TAF1D: variants seen among roughly 807,000 people sequenced by gnomAD.
TAF1D encodes TATA-box binding protein associated factor, RNA polymerase I subunit D, also known as TATA box-binding protein-associated factor RNA polymerase I subunit D.
TAF1D carries 23 observed loss-of-function variants against 26.2 expected under a neutral mutation model. That is an observed-to-expected ratio of 0.88 (90% CI 0.63 to 1.25). The LOEUF (loss-of-function observed/expected upper bound fraction) is 1.25, where lower values mean the gene tolerates loss of function less well. Among genes scored for constraint, TAF1D ranks in the 50% most tolerant of loss-of-function variants. The pLI is 0.00. For synonymous variants in TAF1D, 100 were observed against 105.6 expected, an observed-to-expected ratio of 0.95 and a Z score of 0.33; for missense variants, 299 against 322.0, an observed-to-expected ratio of 0.93 and a Z score of 0.55.
At chr11:93,732,340 ACT>A (rs1382654519), downstream of TAF1D, 3 of 517,708 alleles carry the variant, frequency 5.8e-6, no homozygotes, top group South Asian at 1.4e-5. Context: ...CAAACTGAAC[ACT>A]CTGAGAAACC....
intron 4 of TAF1D, 45 bp from the exon 5 acceptor site, chr11:93,736,796 A>T (rs1448436302): frequency 6.4e-7 from 1 of 1,572,576 alleles, no homozygotes; most frequent in Non-Finnish European, 8.7e-7. Flanking sequence ...ATCTTCGATG[A>T]CCTAATTAGT....
At chr11:93,735,083 C>T, downstream of TAF1D, 4 of 1,316,080 alleles carry the variant, frequency 3.0e-6, no homozygotes, top group Non-Finnish European at 4.0e-6. Flanking sequence ...TATCAATACT[C>T]CCATCAATCA....
chr11:93,740,188 G>A (rs1941610864), intron 1 of TAF1D, among the ~76,000 whole-genome samples: 1 of 151,460 alleles, frequency 6.6e-6, no homozygotes, highest in Admixed American at 6.6e-5. Context: ...CGCGCCTGTG[G>A]TCAGGAGGCT....
At position 93,741,319 on chromosome 11, in the gene TAF1D, T is replaced by C. The variant is rs1942029673; in HGVS notation, c.-28+3A>G. 6 of 456,016 alleles carry C rather than the reference T, an allele frequency of 1.3e-5. No individual in the cohort carries two copies. Among genetic ancestry groups the C allele is most frequent in the Non-Finnish European group, 2.2e-5 (5 of 226,942 alleles). The allele number at this position is 456,016 out of a possible 1,614,324, so 28.2% of individuals were successfully genotyped here. ...GGACGGCCTCGCCCTCTTAGCAACC[T>C]ACCTAAAACGGCCTCGCAGTGGCCC... On this transcript the variant is annotated splice_donor_region_variant and intron_variant, in intron 1 of 5. Coordinates refer to ENST00000448108, the MANE Select transcript of TAF1D (RefSeq NM_024116.4).
downstream of TAF1D, chr11:93,735,226 A>G: frequency 7.4e-7 from 1 of 1,350,748 alleles, no homozygotes; most frequent in East Asian, 4.6e-5. Context: ...ACAAAAACAT[A>G]CATAAGTGCA....
chr11:93,738,559 T>A, intron 2 of TAF1D, 60 bp from the exon 3 acceptor site: 1 of 1,459,540 alleles, frequency 6.9e-7, no homozygotes, highest in East Asian at 2.3e-5. Flanking sequence ...TTACCATTAA[T>A]ACCCAGTCCT....
At chr11:93,730,219 T>C in exon 12 of TAF1D, 1 of 1,551,376 alleles carries the variant, frequency 6.4e-7, no homozygotes, top group Non-Finnish European at 8.7e-7. Context: ...CAAATTTTTA[T>C]TCCTTCCACA....
intron 1 of TAF1D, among the ~76,000 whole-genome samples, chr11:93,741,033 G>T (rs1040233333): frequency 6.6e-6 from 1 of 152,206 alleles, no homozygotes; most frequent in Non-Finnish European, 1.5e-5. Flanking sequence ...CCTCACATAC[G>T]AAGGTTAAAT....
downstream of TAF1D, chr11:93,731,864 TAC>T (rs1939020007): frequency 5.4e-6 from 2 of 368,108 alleles, no homozygotes; most frequent in Admixed American, 7.2e-5. Context: ...CAGTAATGTA[TAC>T]CACATTACAA....
chr11:93,733,829 A>G (rs2135461414), downstream of TAF1D: 1 of 175,596 alleles, frequency 5.7e-6, no homozygotes, highest in South Asian at 1.0e-4. Context: ...TAGTATTTAT[A>G]CACATAAATA....
intron 2 of TAF1D, chr11:93,738,935 AAG>A: frequency 2.4e-6 from 1 of 424,754 alleles, no homozygotes; most frequent in Non-Finnish European, 4.1e-6. Context: ...GTTCACTGCT[AAG>A]AGTGTCTGAG....
downstream of TAF1D, chr11:93,731,014 C>CAGAT (rs757967216): frequency 9.1e-5 from 47 of 518,878 alleles, no homozygotes; most frequent in South Asian, 6.4e-4. Context: ...AGCAAAGTAG[C>CAGAT]AGATAGAAAA....
downstream of TAF1D, chr11:93,735,012 C>T: frequency 8.1e-7 from 1 of 1,233,022 alleles, no homozygotes; most frequent in African/African-American, 1.6e-5. Flanking sequence ...AATACTCCCA[C>T]CTTGGTGTGG....
chr11:93,732,198 C>T (rs921217977), downstream of TAF1D: 1 of 497,836 alleles, frequency 2.0e-6, no homozygotes, highest in South Asian at 1.5e-5. Flanking sequence ...GGCAGTGCTA[C>T]TGATAGAGGG....
At chr11:93,731,956 T>C (rs1939075128), downstream of TAF1D, 1 of 491,804 alleles carries the variant, frequency 2.0e-6, no homozygotes, top group Admixed American at 2.2e-5. Flanking sequence ...ATTTCTAATA[T>C]TGAAAAGTCA....
At position 93,741,037 on chromosome 11, in the gene TAF1D, G is replaced by A. The variant is rs560823602; in HGVS notation, c.-28+285C>T. 5.6e-4 allele frequency among the ~76,000 whole-genome samples: 85 copies of A among 152,282 alleles called. 1 individual carries two copies. The highest frequency in any genetic ancestry group is 1.9e-3 in the African/African-American group (79 of 41,572). ...AGTAATGGGTACCTCACATACGAAG[G>A]TTAAATCATTTAAATCACGTAATAA... On this transcript the variant is annotated intron_variant, in intron 1 of 5. Transcript: ENST00000448108.
chr11:93,739,471 G>A (rs1190260742), intron 1 of TAF1D, 140 bp from the exon 2 acceptor site: 9 of 528,978 alleles, frequency 1.7e-5, no homozygotes, highest in Non-Finnish European at 2.6e-5. Context: ...ATCCATTTCA[G>A]ATCAGTTTCT....
chr11:93,731,430 T>C (rs959103682), downstream of TAF1D: 2 of 505,566 alleles, frequency 4.0e-6, no homozygotes, highest in African/African-American at 3.9e-5. Context: ...TGCTCTATGA[T>C]CATGTTTCTG....
chr11:93,740,981 G>C (rs1465125969), intron 1 of TAF1D, among the ~76,000 whole-genome samples: 3 of 152,196 alleles, frequency 2.0e-5, no homozygotes, highest in Non-Finnish European at 1.5e-5. Context: ...CCTCTCACCC[G>C]GCAGCGCCTA....
Sources: gnomAD v4.1 joint callset for allele counts (sites outside exome capture counted in the v4.1 genomes callset) on GRCh38, gnomAD v4.1.1 for gene constraint, MANE v1.5 for transcripts, NCBI Gene and HGNC (gene_info 2026-07-23, HGNC 2026-07-21) for gene names.